Variants in RAB31 observed in about 807,000 individuals in gnomAD.
RAB31 encodes ras-related protein Rab-31.
A neutral mutation model predicts 25.6 loss-of-function variants in RAB31; 21 were observed. The ratio of observed to expected loss-of-function variants is 0.82; its 90% CI spans 0.58 to 1.18. The LOEUF (loss-of-function observed/expected upper bound fraction) is 1.18. Ranked by LOEUF, RAB31 falls within the 50% of genes most tolerant of loss-of-function variation. RAB31 has a pLI of 0.00. For missense variants in RAB31, 196 were observed against 250.1 expected, an observed-to-expected ratio of 0.78 and a Z score of 1.46; for synonymous variants, 87 against 84.0, an observed-to-expected ratio of 1.04 and a Z score of -0.20.
rs2067998124 is a variant in RAB31, at chr18:9,708,538, C to T, written c.39+94C>T. 3.5e-6 allele frequency: 4 copies of T among 1,137,238 alleles called. No individual in the cohort carries two copies. Among genetic ancestry groups the T allele is most frequent in the Non-Finnish European group, 4.8e-6 (4 of 837,738 alleles). 70.4% of individuals were successfully genotyped at this position (1,137,238 alleles called of 1,614,324 possible). A position where few individuals can be genotyped will look rare whatever the true frequency, so the allele number is the denominator to read the frequency against. The stretch of plus-strand genomic sequence containing the variant: ...CCTGCGCGCTCAGTCCCCGTGATCC[C>T]CTCGCTCTCCGCACCCCTCTCGTAG... On this transcript the variant is annotated intron_variant, in intron 1 of 6. Coordinates refer to ENST00000578921, the MANE Select transcript of RAB31 (RefSeq NM_006868.4). This position sits in a 1 kb window ranked among gnomAD's most constrained non-coding sequence, Gnocchi z 6.4.
At chr18:9,727,039 G>T (rs2068099344) in intron 1 of RAB31, among the ~76,000 whole-genome samples, 1 of 152,148 alleles carries the variant, frequency 6.6e-6, no homozygotes, top group South Asian at 2.1e-4. Context: ...CTTATACTAA[G>T]ATGGCATTAA....
At chr18:9,776,548 G>A in intron 2 of RAB31, among the ~76,000 whole-genome samples, 1 of 152,150 alleles carries the variant, frequency 6.6e-6, no homozygotes, top group East Asian at 1.9e-4. Context: ...TCAAGAATTA[G>A]GAAAGGTCTG....
At chr18:9,779,914 C>A (rs1456363687) in intron 2 of RAB31, among the ~76,000 whole-genome samples, 1 of 152,154 alleles carries the variant, frequency 6.6e-6, no homozygotes, top group Admixed American at 6.6e-5. Context: ...GTGGCTCCTG[C>A]CTATAATCCC....
In RAB31 at chr18:9,741,451, G is replaced by A. The variant is rs114981766; in HGVS notation, c.39+33007G>A. On this transcript the variant is annotated intron_variant, in intron 1 of 6. Transcript: ENST00000578921. The stretch of plus-strand genomic sequence containing the variant: ...GGATTGTGGCAAACTTCAGAATTGG[G>A]TGTCAGTGCTAAGTGACCAAGACAA... 4.7e-3 allele frequency among the ~76,000 whole-genome samples: 715 copies of A among 151,504 alleles called. 6 individuals carry two copies. Among genetic ancestry groups the A allele is most frequent in the African/African-American group, 0.017 (681 of 41,266 alleles).
chr18:9,722,034 T>C (rs901987019), intron 1 of RAB31, among the ~76,000 whole-genome samples: 1 of 151,588 alleles, frequency 6.6e-6, no homozygotes, highest in South Asian at 2.1e-4. Context: ...GCCTGGTGAG[T>C]CTGAGGAACA....
chr18:9,739,954 A>G (rs1362743211), intron 1 of RAB31, among the ~76,000 whole-genome samples: 1 of 152,238 alleles, frequency 6.6e-6, no homozygotes, highest in Admixed American at 6.5e-5. Context: ...TTATTTTCCA[A>G]TGAGGACACT....
intron 1 of RAB31, among the ~76,000 whole-genome samples, chr18:9,745,417 G>A (rs2068200569): frequency 6.6e-6 from 1 of 152,186 alleles, no homozygotes; most frequent in Non-Finnish European, 1.5e-5. Context: ...ATATAGAAGA[G>A]GAGGGAATAC....
At chr18:9,757,327 G>A (rs1307410962) in intron 1 of RAB31, among the ~76,000 whole-genome samples, 1 of 152,180 alleles carries the variant, frequency 6.6e-6, no homozygotes, top group Non-Finnish European at 1.5e-5. Context: ...CATGGAGCAG[G>A]TGCCTGCGGG....
At chr18:9,717,732 C>T (rs117920488) in intron 1 of RAB31, among the ~76,000 whole-genome samples, 6,488 of 152,170 alleles carry the variant, frequency 0.043, 203 homozygotes, top group South Asian at 0.061. Flanking sequence ...CACAGACACA[C>T]GTACACACAG....
intron 1 of RAB31, among the ~76,000 whole-genome samples, chr18:9,718,482 C>T (rs2068055321): frequency 1.3e-5 from 2 of 152,150 alleles, no homozygotes; most frequent in Admixed American, 6.6e-5. Flanking sequence ...TGGTCTTGAA[C>T]TCTTGACCTC....
At chr18:9,732,590 G>A (rs1049842276) in intron 1 of RAB31, among the ~76,000 whole-genome samples, 2 of 152,174 alleles carry the variant, frequency 1.3e-5, no homozygotes, top group African/African-American at 2.4e-5. Flanking sequence ...CACCACAGCC[G>A]TGTCTCCAAC....
chr18:9,829,446 A>C (rs2068666535), intron 5 of RAB31, among the ~76,000 whole-genome samples: 1 of 152,188 alleles, frequency 6.6e-6, no homozygotes, highest in Admixed American at 6.5e-5. Flanking sequence ...AACACAGTTT[A>C]TCTATTCATT....
intron 3 of RAB31, among the ~76,000 whole-genome samples, chr18:9,804,113 C>T (rs1322050691): frequency 6.6e-6 from 1 of 152,234 alleles, no homozygotes; most frequent in Non-Finnish European, 1.5e-5. Flanking sequence ...AGCCTCAGAG[C>T]TGCGTGGACA....
intron 6 of RAB31, among the ~76,000 whole-genome samples, chr18:9,853,500 A>G (rs771611595): frequency 1.8e-4 from 28 of 152,222 alleles, no homozygotes; most frequent in Non-Finnish European, 7.3e-5. Context: ...GGAGTCAGTG[A>G]AAAGATCAGT....
chr18:9,778,527 G>C (rs1489103110), intron 2 of RAB31, among the ~76,000 whole-genome samples: 1 of 152,194 alleles, frequency 6.6e-6, no homozygotes, highest in Non-Finnish European at 1.5e-5. Flanking sequence ...CTGGAGTGCA[G>C]TGGCAAGGTC....
intron 3 of RAB31, among the ~76,000 whole-genome samples, chr18:9,793,590 A>G (rs1395836379): frequency 6.6e-6 from 1 of 151,678 alleles, no homozygotes; most frequent in African/African-American, 2.4e-5. Flanking sequence ...TGAACCCAGG[A>G]GGCGGAGGTT....
intron 1 of RAB31, among the ~76,000 whole-genome samples, chr18:9,709,261 GC>G (rs2068003692): frequency 6.6e-6 from 1 of 152,148 alleles, no homozygotes; most frequent in Non-Finnish European, 1.5e-5. Flanking sequence ...CTGGCGAACC[GC>G]CCCTGGGAAT....
chr18:9,846,904 G>A (rs1260233809), intron 6 of RAB31, among the ~76,000 whole-genome samples: 1 of 152,220 alleles, frequency 6.6e-6, no homozygotes, highest in African/African-American at 2.4e-5. Flanking sequence ...CTCCCCAGCT[G>A]CTGGCCCTTT....
intron 1 of RAB31, among the ~76,000 whole-genome samples, chr18:9,767,386 T>C (rs1215537432): frequency 1.3e-5 from 2 of 152,260 alleles, no homozygotes; most frequent in Non-Finnish European, 2.9e-5. Context: ...ATCAGCAATG[T>C]ATATCCCTTA....
Sources: allele counts gnomAD v4.1 joint callset (sites outside exome capture counted in the v4.1 genomes callset), GRCh38; gene constraint gnomAD v4.1.1; non-coding constraint Gnocchi (gnomAD v3.1); transcripts MANE v1.5; gene names NCBI Gene and HGNC (gene_info 2026-07-23, HGNC 2026-07-21).